Variants in ROBO2 observed in about 807,000 individuals in gnomAD.
ROBO2 encodes the protein roundabout homolog 2.
Under a neutral mutation model 160.8 loss-of-function variants are expected in ROBO2, and 53 were observed. That is an observed-to-expected ratio of 0.33 (90% CI 0.26 to 0.41). The LOEUF (loss-of-function observed/expected upper bound fraction) is 0.41, where lower values mean the gene tolerates loss of function less well. Ranked by LOEUF, ROBO2 falls within the 10% of genes least tolerant of loss-of-function variation. ROBO2 has a pLI of 1.00. For synonymous variants in ROBO2, 664 were observed against 611.7 expected (o/e 1.09, Z -1.26); for missense variants, 1,577 against 1,722.4 (o/e 0.92, Z 1.49).
chr3:76,014,193 G>A lies in ROBO2; in HGVS notation c.109+76591G>A, dbSNP rs539553755. Among the ~76,000 whole-genome samples the A allele has an allele frequency of 6.0e-4, 80 of 133,972 alleles. 2 individuals are homozygous for A. The highest frequency in any genetic ancestry group is 2.5e-3 in the South Asian group (11 of 4,388). 87.9% of individuals were successfully genotyped at this position (133,972 alleles called of 152,430 possible). On this transcript the variant is annotated intron_variant, in intron 2 of 26. Coordinates refer to the ROBO2 transcript ENST00000487694. Reference sequence around the variant, plus strand: ...GGCGACTGGGCACGGTGGTCTATGCGTGTAATCCCAGAAGTAATATGTATA... The same window carrying A: ...GGCGACTGGGCACGGTGGTCTATGCATGTAATCCCAGAAGTAATATGTATA...
chr3:76,608,139 C>T (rs1274154503), intron 2 of ROBO2, among the ~76,000 whole-genome samples: 2 of 152,172 alleles, frequency 1.3e-5, no homozygotes, highest in African/African-American at 4.8e-5. Flanking sequence ...TTTCATAATC[C>T]AATTTCTGTG....
intron 2 of ROBO2, among the ~76,000 whole-genome samples, chr3:77,293,274 G>A (rs566866421): frequency 2.6e-5 from 4 of 151,422 alleles, no homozygotes; most frequent in African/African-American, 7.3e-5. Flanking sequence ...GTAAGCTGAG[G>A]CTAGATCACC....
At chr3:77,613,950 A>G (rs77676435) in intron 21 of ROBO2, among the ~76,000 whole-genome samples, 1 of 152,318 alleles carries the variant, frequency 6.6e-6, no homozygotes, top group Non-Finnish European at 1.5e-5. Context: ...TAAGATAGGT[A>G]AAACTGGAGG....
chr3:77,644,620 T>C (rs2095392698), intron 24 of ROBO2, 84 bp from the exon 27 acceptor site: 1 of 1,184,128 alleles, frequency 8.4e-7, no homozygotes, highest in African/African-American at 1.5e-5. Context: ...AGTAGGCCAT[T>C]CACAGTGTTA....
chr3:76,722,050 G>A (rs1005005092), intron 2 of ROBO2, among the ~76,000 whole-genome samples: 1 of 152,156 alleles, frequency 6.6e-6, no homozygotes, highest in Non-Finnish European at 1.5e-5. Flanking sequence ...CAGGTTAATA[G>A]TAATGCCTCT....
chr3:77,104,867 C>A (rs928651464), intron 2 of ROBO2, among the ~76,000 whole-genome samples: 1 of 152,064 alleles, frequency 6.6e-6, no homozygotes, highest in Non-Finnish European at 1.5e-5. Context: ...CATATGGAAA[C>A]AACGGATGGC....
chr3:77,476,363 TGG>T (rs1476264165), intron 2 of ROBO2, among the ~76,000 whole-genome samples: 8 of 128,322 alleles, frequency 6.2e-5, no homozygotes, highest in African/African-American at 2.6e-4. Context: ...CATGTGTCTG[TGG>T]GTATGTGTGT....
chr3:77,245,082 G>A (rs954169418), intron 2 of ROBO2, among the ~76,000 whole-genome samples: 2 of 151,612 alleles, frequency 1.3e-5, no homozygotes, highest in African/African-American at 2.4e-5. Flanking sequence ...ACCAAGTTTT[G>A]TGCATGCTGC....
intron 2 of ROBO2, among the ~76,000 whole-genome samples, chr3:76,859,575 C>T (rs560425847): frequency 2.0e-5 from 3 of 152,324 alleles, no homozygotes; most frequent in Admixed American, 2.0e-4. Flanking sequence ...GTCTTCCTTT[C>T]TGCCTCTCCC....
chr3:77,451,373 T>A (rs2081091898), intron 2 of ROBO2, among the ~76,000 whole-genome samples: 1 of 152,122 alleles, frequency 6.6e-6, no homozygotes, highest in Admixed American at 6.6e-5. Flanking sequence ...ATTCTAAAAT[T>A]ATTATGATTT....
intron 2 of ROBO2, among the ~76,000 whole-genome samples, chr3:76,073,493 T>G (rs6787432): frequency 0.65 from 97,997 of 150,960 alleles, 32,447 homozygotes; most frequent in African/African-American, 0.78. Context: ...GGGTTTCACC[T>G]TGTTAGCCAG....
chr3:77,236,571 T>C (rs2088016240), intron 2 of ROBO2, among the ~76,000 whole-genome samples: 1 of 152,226 alleles, frequency 6.6e-6, no homozygotes, highest in South Asian at 2.1e-4. Flanking sequence ...TTGGTTTACA[T>C]GGGTACACTA....
intron 2 of ROBO2, among the ~76,000 whole-genome samples, chr3:76,207,129 A>G (rs1702854382): frequency 6.6e-6 from 1 of 152,178 alleles, no homozygotes; most frequent in African/African-American, 2.4e-5. Context: ...ACAAGGCTTT[A>G]AACCAGTTTT....
At chr3:77,186,974 G>T (rs2081342248) in intron 2 of ROBO2, among the ~76,000 whole-genome samples, 1 of 151,996 alleles carries the variant, frequency 6.6e-6, no homozygotes, top group South Asian at 2.1e-4. Flanking sequence ...GAGGCAGGAA[G>T]TGAAAGCTAT....
At chr3:77,288,266 G>A (rs1355671536) in intron 2 of ROBO2, among the ~76,000 whole-genome samples, 1 of 152,178 alleles carries the variant, frequency 6.6e-6, no homozygotes. Context: ...TGATGGTAGT[G>A]GGTAGGAGAG....
rs116877832 is a variant in ROBO2 at position 76,677,893 on chromosome 3, A to T, written c.110-420121A>T. 1.1e-4 allele frequency among the ~76,000 whole-genome samples: 16 copies of T among 141,924 alleles called. No individual in the cohort carries two copies. The East Asian group carries it at 3.4e-3, about 30-fold the overall frequency. The allele number at this position is 141,924 out of a possible 152,430, so 93.1% of individuals were successfully genotyped here. On this transcript the variant is annotated intron_variant, in intron 2 of 26. Coordinates refer to the ROBO2 transcript ENST00000487694. The stretch of plus-strand genomic sequence containing the variant: ...CTCTGCTGACTTGCCTATGATTGTT[A>T]TATGTTCATGACTTTTATGACTAAC...
At chr3:75,921,128 T>C (rs867938099) in intron 1 of ROBO2, among the ~76,000 whole-genome samples, 2 of 151,992 alleles carry the variant, frequency 1.3e-5, no homozygotes, top group Non-Finnish European at 2.9e-5. Flanking sequence ...CCTAGTTTCA[T>C]TGGTTTTTAT....
intron 2 of ROBO2, among the ~76,000 whole-genome samples, chr3:77,358,291 C>A (rs78771306): frequency 0.018 from 2,812 of 152,288 alleles, 39 homozygotes; most frequent in Non-Finnish European, 0.024. Flanking sequence ...GGGGTTAGAA[C>A]TCCAGTTCCT....
At chr3:76,263,404 G>C (rs1706893653) in intron 2 of ROBO2, among the ~76,000 whole-genome samples, 1 of 152,074 alleles carries the variant, frequency 6.6e-6, no homozygotes, top group Non-Finnish European at 1.5e-5. Flanking sequence ...TTAAAAAAAT[G>C]TAGGTACAGA....
Sources: allele counts gnomAD v4.1 joint callset (sites outside exome capture counted in the v4.1 genomes callset), GRCh38; gene constraint gnomAD v4.1.1; transcripts MANE v1.5; gene names NCBI Gene and HGNC (gene_info 2026-07-23, HGNC 2026-07-21).